UHRF2: variants seen among roughly 807,000 people sequenced by gnomAD.
The protein encoded by UHRF2 is E3 ubiquitin-protein ligase UHRF2.
UHRF2 carries 23 observed loss-of-function variants against 96.8 expected under a neutral mutation model. The ratio of observed to expected loss-of-function variants is 0.24; its 90% CI spans 0.17 to 0.34. The LOEUF is 0.34. UHRF2 is among the 10% of genes least tolerant of loss of function. The pLI is 1.00. For missense variants in UHRF2, 685 were observed against 981.5 expected (o/e 0.70, Z 4.04); for synonymous variants, 385 against 332.6 (o/e 1.16, Z -1.72).
intron 1 of UHRF2, chr9:6,413,968 G>C (rs1468613900): frequency 9.8e-6 from 2 of 203,698 alleles, no homozygotes; most frequent in Middle Eastern, 1.6e-3. Context: ...CGCGCTCGGC[G>C]GGGCCTGGGG....
intron 1 of UHRF2, among the ~76,000 whole-genome samples, chr9:6,416,278 G>A (rs934241337): frequency 5.3e-5 from 8 of 151,980 alleles, no homozygotes; most frequent in African/African-American, 1.9e-4. Flanking sequence ...TGGACACGAT[G>A]GTCTCTATCT....
chr9:6,469,871 A>C (rs1393968820), intron 4 of UHRF2, among the ~76,000 whole-genome samples: 4 of 151,992 alleles, frequency 2.6e-5, no homozygotes, highest in Non-Finnish European at 4.4e-5. Context: ...ATAGTAGCCC[A>C]AAATTTCCAA....
At chr9:6,469,701 C>CATATATATACACGTAT (rs750086912) in intron 4 of UHRF2, among the ~76,000 whole-genome samples, 9 of 148,572 alleles carry the variant, frequency 6.1e-5, no homozygotes, top group Non-Finnish European at 1.0e-4. Flanking sequence ...CACGTATATA[C>CATATATATACACGTAT]ATACATATAC....
intron 6 of UHRF2, among the ~76,000 whole-genome samples, chr9:6,480,687 T>TA (rs1196650144): frequency 6.6e-5 from 10 of 152,224 alleles, no homozygotes; most frequent in Non-Finnish European, 1.3e-4. Flanking sequence ...GCCCATCAGA[T>TA]AAAATACAGC....
chr9:6,463,691 G>A (rs574344269), intron 4 of UHRF2, among the ~76,000 whole-genome samples: 2 of 151,976 alleles, frequency 1.3e-5, no homozygotes, highest in African/African-American at 2.4e-5. Flanking sequence ...GGCTGGTTTC[G>A]AACCCCTGAG....
Position 6,497,228 on chromosome 9 carries a change from G to A in UHRF2, c.1635G>A (p.Leu545=), listed in dbSNP as rs763019153. 8.1e-6 allele frequency: 13 copies of A among 1,613,780 alleles called. No homozygotes were observed. In the Admixed American group the frequency reaches 2.2e-4, roughly 27 times the overall value. ...TGGCCCTAAACTGTGATGCTCCATTGGATGATAAAATTGGAGCAGAGTCTC... is the reference window on the plus strand; with the variant it reads ...TGGCCCTAAACTGTGATGCTCCATTAGATGATAAAATTGGAGCAGAGTCTC... ...RALALNCDAP[L]DDKIGAESRN... The change falls in exon 11 of 16, where the codon TTG becomes TTA. Residue 545 remains leucine (L), a synonymous_variant. Transcript: ENST00000276893.
intron 9 of UHRF2, among the ~76,000 whole-genome samples, chr9:6,489,588 GTTTT>G (rs1413928434): frequency 6.6e-6 from 1 of 152,132 alleles, no homozygotes; most frequent in Non-Finnish European, 1.5e-5. Context: ...TGTTGTTGCT[GTTTT>G]TTGTTTTAGC....
intron 3 of UHRF2, among the ~76,000 whole-genome samples, chr9:6,438,954 CACCAA>C (rs1471086904): frequency 6.6e-6 from 1 of 152,062 alleles, no homozygotes; most frequent in Non-Finnish European, 1.5e-5. Flanking sequence ...GAGTTTCAAA[CACCAA>C]ACCAAAAAAA....
At chr9:6,464,784 C>T (rs1822760860) in intron 4 of UHRF2, among the ~76,000 whole-genome samples, 1 of 152,100 alleles carries the variant, frequency 6.6e-6, no homozygotes, top group African/African-American at 2.4e-5. Context: ...ATCTTTGTAT[C>T]AGTTCCACAC....
At chr9:6,414,978 G>T (rs143316194) in intron 1 of UHRF2, among the ~76,000 whole-genome samples, 1 of 152,140 alleles carries the variant, frequency 6.6e-6, no homozygotes, top group Admixed American at 6.5e-5. Flanking sequence ...ACATAGATTT[G>T]CTTTGCTGTG....
intron 8 of UHRF2, among the ~76,000 whole-genome samples, chr9:6,485,467 A>C (rs1824209736): frequency 6.6e-6 from 1 of 151,866 alleles, no homozygotes; most frequent in African/African-American, 2.4e-5. Flanking sequence ...TTTAGGAAAA[A>C]CAGATTATTT....
intron 4 of UHRF2, among the ~76,000 whole-genome samples, chr9:6,470,815 C>G (rs1217622466): frequency 6.6e-6 from 1 of 152,022 alleles, no homozygotes; most frequent in East Asian, 1.9e-4. Context: ...AATTAACACA[C>G]TGAAAGTGAA....
chr9:6,420,823 T>G, intron 1 of UHRF2, 89 bp from the exon 2 acceptor site: 1 of 1,059,512 alleles, frequency 9.4e-7, no homozygotes. Flanking sequence ...TGCTATGGAT[T>G]TTAAGTTTGG....
intron 10 of UHRF2, chr9:6,496,365 T>A (rs1824967587): frequency 6.6e-6 from 1 of 152,220 alleles, no homozygotes; most frequent in Admixed American, 6.5e-5. Context: ...TTTAAAATAG[T>A]AAAAATAACT....
chr9:6,475,234 A>C (rs552640595), intron 4 of UHRF2, among the ~76,000 whole-genome samples, 157 bp from the exon 5 acceptor site: 8 of 152,260 alleles, frequency 5.3e-5, no homozygotes, highest in South Asian at 2.1e-4. Flanking sequence ...GACTTTTCCT[A>C]CTATTGAAAA....
At chr9:6,414,819 C>T (rs138282715) in intron 1 of UHRF2, among the ~76,000 whole-genome samples, 2 of 151,932 alleles carry the variant, frequency 1.3e-5, no homozygotes, top group South Asian at 2.1e-4. Flanking sequence ...TTTTTTTTCC[C>T]CTTTCCTTCT....
At chr9:6,475,307 G>C in intron 4 of UHRF2, 84 bp from the exon 5 acceptor site, 1 of 703,878 alleles carries the variant, frequency 1.4e-6, no homozygotes, top group Non-Finnish European at 2.2e-6. Context: ...ATTTCAGTGA[G>C]ATTCCAAACT....
At chr9:6,476,411 A>G (rs1159436731) in intron 5 of UHRF2, among the ~76,000 whole-genome samples, 2 of 152,316 alleles carry the variant, frequency 1.3e-5, no homozygotes, top group South Asian at 2.1e-4. Context: ...CCTTAGAATT[A>G]TAGTGCTGAT....
At chr9:6,488,067 C>T (rs1305157822) in intron 9 of UHRF2, among the ~76,000 whole-genome samples, 1 of 150,826 alleles carries the variant, frequency 6.6e-6, no homozygotes, top group African/African-American at 2.4e-5. Flanking sequence ...GTGGCAAAGC[C>T]CTGTCCCTAC....
Sources: gnomAD v4.1 joint callset for allele counts (sites outside exome capture counted in the v4.1 genomes callset) on GRCh38, gnomAD v4.1.1 for gene constraint, MANE v1.5 for transcripts, NCBI Gene and HGNC (gene_info 2026-07-23, HGNC 2026-07-21) for gene names.